ASAH1: variants seen among roughly 807,000 people sequenced by gnomAD.
The protein encoded by ASAH1 is N-acylsphingosine amidohydrolase 1, also known as acid ceramidase.
Under a neutral mutation model 59.5 loss-of-function variants are expected in ASAH1, and 70 were observed. That is an observed-to-expected ratio of 1.18 (90% CI 0.97 to 1.43). The LOEUF is 1.43. ASAH1 is among the 40% of genes most tolerant of loss of function. The pLI is 0.00. For synonymous variants in ASAH1, 213 were observed against 166.5 expected (o/e 1.28, Z -2.15); for missense variants, 660 against 482.5 (o/e 1.37, Z -3.45).
At chr8:18,072,741 G>A (rs997917823) in intron 2 of ASAH1, among the ~76,000 whole-genome samples, 3 of 152,064 alleles carry the variant, frequency 2.0e-5, no homozygotes, top group African/African-American at 7.2e-5. Flanking sequence ...AGTAATTATT[G>A]TTCCCCATAT....
chr8:18,072,770 G>C (rs1302009878), intron 2 of ASAH1, among the ~76,000 whole-genome samples: 3 of 152,092 alleles, frequency 2.0e-5, no homozygotes, highest in Admixed American at 6.6e-5. Flanking sequence ...GGTATTACTA[G>C]TCTCCCCTCT....
chr8:18,082,280 A>G (rs1441278051), intron 1 of ASAH1, among the ~76,000 whole-genome samples: 1 of 152,204 alleles, frequency 6.6e-6, no homozygotes, highest in Non-Finnish European at 1.5e-5. Flanking sequence ...GCTAGAATAA[A>G]TAAAGCTATT....
chr8:18,058,506 G>A, intron 13 of ASAH1: 1 of 258,744 alleles, frequency 3.9e-6, no homozygotes. Flanking sequence ...AAAATGGACT[G>A]CAGACTTTGT....
chr8:18,073,276 A>G (rs777493898), intron 2 of ASAH1: 6 of 1,578,554 alleles, frequency 3.8e-6, no homozygotes, highest in Admixed American at 3.5e-5. Flanking sequence ...CAGGGAAGAC[A>G]CTATATGAAA....
chr8:18,080,059 G>A (rs551302542), intron 1 of ASAH1, among the ~76,000 whole-genome samples: 2 of 152,208 alleles, frequency 1.3e-5, no homozygotes, highest in Non-Finnish European at 2.9e-5. Context: ...TGTTGAATAA[G>A]TGAATGGATT....
chr8:18,068,316 G>A (rs1800016191), intron 4 of ASAH1: 1 of 152,202 alleles, frequency 6.6e-6, no homozygotes, highest in Non-Finnish European at 1.5e-5. Context: ...TCTCTGCAAT[G>A]TTGCCCTCCC....
chr8:18,077,009 C>T (rs1466515746), intron 1 of ASAH1, among the ~76,000 whole-genome samples: 1 of 152,176 alleles, frequency 6.6e-6, no homozygotes, highest in South Asian at 2.1e-4. Flanking sequence ...CAAAGCCATT[C>T]GTGTTCAGTA....
intron 1 of ASAH1, among the ~76,000 whole-genome samples, chr8:18,080,605 T>C (rs1258881499): frequency 6.6e-6 from 1 of 152,218 alleles, no homozygotes; most frequent in East Asian, 1.9e-4. Flanking sequence ...TTGTCCAGGC[T>C]GGAGTGCAAT....
rs376637622 is a variant in ASAH1, at chr8:18,056,303, C to T, written c.*1231G>A. The T allele has an allele frequency of 2.6e-5, 4 of 152,018 alleles. No individual in the cohort carries two copies. The highest frequency in any genetic ancestry group is 1.9e-4 in the East Asian group (1 of 5,186). 9.4% of individuals were successfully genotyped at this position (152,018 alleles called of 1,614,324 possible). A position where few individuals can be genotyped will look rare whatever the true frequency, so the allele number is the denominator to read the frequency against. Reference sequence around the variant, plus strand: ...AGTCATGTAAGAGTAAGATTGTGACCGTTTAGTCATATTTAATAACCCACT... The same window carrying T: ...AGTCATGTAAGAGTAAGATTGTGACTGTTTAGTCATATTTAATAACCCACT... On this transcript the variant is annotated 3_prime_UTR_variant, in exon 14 of 14. Coordinates refer to ENST00000637790, the MANE Select transcript of ASAH1 (RefSeq NM_177924.5).
chr8:18,077,928 T>C (rs1800478713), intron 1 of ASAH1, among the ~76,000 whole-genome samples: 1 of 152,206 alleles, frequency 6.6e-6, no homozygotes, highest in African/African-American at 2.4e-5. Flanking sequence ...TTAACCCAAG[T>C]GCTTAATTTT....
At chr8:18,062,490 G>C (rs1032168895) in intron 7 of ASAH1, 67 bp from the exon 8 acceptor site, 27 of 1,562,660 alleles carry the variant, frequency 1.7e-5, no homozygotes, top group Middle Eastern at 3.4e-4. Flanking sequence ...ATGATGATGA[G>C]GGCCAGGCAT....
rs371154344 is a variant in ASAH1, at chr8:18,059,632, T to C, written c.857A>G (p.Asn286Ser). The change falls in exon 11 of 14, where the codon AAC becomes AGC. Residue 286 changes from asparagine (N) to serine (S), a missense_variant. By Grantham distance (46) the Asn-to-Ser change is conservative. Coordinates refer to ENST00000637790, the MANE Select transcript of ASAH1 (RefSeq NM_177924.5). ...LAPAYFILGG[N>S]QSGEGCVITR... is the part of the protein sequence containing the mutation. ...AATCACACAACCTTCCCCAGACTGG[T>C]TGCCTCCCAGGATAAAGTAGGCTGG... is the stretch of plus-strand genomic sequence containing the variant. 1.2e-4 allele frequency: 201 copies of C among 1,614,106 alleles called. No individual in the cohort carries two copies. Among genetic ancestry groups the C allele is most frequent in the Non-Finnish European group, 1.7e-4 (195 of 1,180,040 alleles).
intron 4 of ASAH1, chr8:18,068,576 G>C (rs1800029891): frequency 6.6e-6 from 1 of 152,248 alleles, no homozygotes; most frequent in Non-Finnish European, 1.5e-5. Flanking sequence ...CTCGACCACG[G>C]GAGATTTGGT....
intron 1 of ASAH1, chr8:18,083,457 G>C (rs925862728): frequency 6.3e-6 from 1 of 157,556 alleles, no homozygotes; most frequent in Admixed American, 6.2e-5. Context: ...CATGACTTGG[G>C]TGCAAAAGGC....
intron 5 of ASAH1, chr8:18,066,318 T>C (rs1164374107): frequency 6.6e-6 from 1 of 151,342 alleles, no homozygotes; most frequent in African/African-American, 2.4e-5. Flanking sequence ...TCCATATATC[T>C]GACAAAGGGC....
chr8:18,067,129 A>G, intron 5 of ASAH1, 91 bp downstream of exon 5: 2 of 565,016 alleles, frequency 3.5e-6, no homozygotes, highest in South Asian at 1.0e-4. Context: ...TAAGACATAC[A>G]GCACCTGTGC....
At chr8:18,080,709 C>A (rs918769571) in intron 1 of ASAH1, among the ~76,000 whole-genome samples, 10 of 152,278 alleles carry the variant, frequency 6.6e-5, no homozygotes, top group Admixed American at 1.3e-4. Context: ...AGGCGTGAGC[C>A]ACTATGCCCA....
intron 6 of ASAH1, 26 bp from the exon 7 acceptor site, chr8:18,063,256 G>A (rs182746178): frequency 5.8e-5 from 91 of 1,580,636 alleles, no homozygotes; most frequent in African/African-American, 3.9e-4. Context: ...CAGAAGAGAC[G>A]TGTAATAGCA....
At chr8:18,063,028 C>G in intron 7 of ASAH1, 157 bp downstream of exon 7, 1 of 674,562 alleles carries the variant, frequency 1.5e-6, no homozygotes, top group East Asian at 2.8e-5. Context: ...CACCACCATG[C>G]CTGGCTAATT....
Sources: gnomAD v4.1 joint callset for allele counts (sites outside exome capture counted in the v4.1 genomes callset) on GRCh38, gnomAD v4.1.1 for gene constraint, MANE v1.5 for transcripts, NCBI Gene and HGNC (gene_info 2026-07-23, HGNC 2026-07-21) for gene names.